SHISA5: variants seen among roughly 807,000 people sequenced by gnomAD.
SHISA5 encodes protein shisa-5.
A neutral mutation model predicts 27.5 loss-of-function variants in SHISA5; 21 were observed. That is an observed-to-expected ratio of 0.76 (90% CI 0.54 to 1.10). The LOEUF (loss-of-function observed/expected upper bound fraction) is 1.10, where lower values mean the gene tolerates loss of function less well. Among genes scored for constraint, SHISA5 ranks in the 50% least tolerant of loss-of-function variants. The pLI, the probability that SHISA5 is intolerant of heterozygous loss-of-function variation, is 0.00. For missense variants in SHISA5, 314 were observed against 336.3 expected (o/e 0.93, Z 0.52); for synonymous variants, 137 against 142.2 (o/e 0.96, Z 0.26).
chr3:48,501,957 T>C (rs2041770501), intron 1 of SHISA5, among the ~76,000 whole-genome samples: 2 of 150,804 alleles, frequency 1.3e-5, no homozygotes, highest in South Asian at 4.2e-4. Context: ...GCCTCCCAGA[T>C]CCAAGCAATT....
At chr3:48,491,752 A>C (rs2041433957) in intron 2 of SHISA5, among the ~76,000 whole-genome samples, 1 of 151,762 alleles carries the variant, frequency 6.6e-6, no homozygotes, top group African/African-American at 2.4e-5. Context: ...AAGCTCAAGC[A>C]ATTCTCCCAC....
At chr3:48,480,230 AAACAAC>A (rs545845487) in intron 2 of SHISA5, among the ~76,000 whole-genome samples, 131 of 151,984 alleles carry the variant, frequency 8.6e-4, no homozygotes, top group African/African-American at 3.0e-3. Context: ...AAAAGTACTA[AAACAAC>A]AACAACAACA....
chr3:48,476,001 C>T (rs1311763679), intron 3 of SHISA5, among the ~76,000 whole-genome samples: 1 of 152,170 alleles, frequency 6.6e-6, no homozygotes, highest in East Asian at 1.9e-4. Context: ...CAGATGTGGG[C>T]CCATCTGGAT....
At position 48,467,913 on chromosome 3, in the gene SHISA5, C is replaced by A. The variant is rs1366212856; in HGVS notation, c.*1194G>T. Reference sequence around the variant, plus strand: ...CATTTATTATAAACAAGTGTACAGACCCTAGACTCAGAAACACAACAGATT... The same window carrying A: ...CATTTATTATAAACAAGTGTACAGAACCTAGACTCAGAAACACAACAGATT... On this transcript the variant is annotated 3_prime_UTR_variant, in exon 6 of 6. Coordinates refer to ENST00000296444, the MANE Select transcript of SHISA5 (RefSeq NM_016479.6). The A allele has an allele frequency of 2.6e-6, 1 of 388,980 alleles. No homozygotes were observed. The highest frequency in any genetic ancestry group is 4.6e-6 in the Non-Finnish European group (1 of 217,248). 24.1% of individuals were successfully genotyped at this position (388,980 alleles called of 1,614,324 possible). A position where few individuals can be genotyped will look rare whatever the true frequency, so the allele number is the denominator to read the frequency against.
chr3:48,471,267 G>A (rs2040601289), intron 3 of SHISA5, among the ~76,000 whole-genome samples: 1 of 151,954 alleles, frequency 6.6e-6, no homozygotes, highest in Admixed American at 6.6e-5. Context: ...TCCCTCCTCG[G>A]CCTCTCAAAG....
chr3:48,469,827 C>T lies in SHISA5; in HGVS notation c.331G>A (p.Ala111Thr). The change falls in exon 4 of 6, where the codon GCC becomes ACC. Residue 111 changes from alanine (A) to threonine (T), a missense_variant. Physicochemically the swap from Ala to Thr is moderately conservative, Grantham distance 58. Coordinates refer to ENST00000296444, the MANE Select transcript of SHISA5 (RefSeq NM_016479.6). The surrounding 1 kb of genome is among the most constrained non-coding windows in gnomAD (Gnocchi z 4.6). Reference protein sequence around the residue: ...DPMSGFGATLAVGLTIFVLSV... With the variant: ...DPMSGFGATLTVGLTIFVLSV... Reference sequence around the variant, plus strand: ...AGCACAAAGATGGTCAGGCCAACGGCCAAGGTCGCTCCGAACCTGCCAAAG... The same window carrying T: ...AGCACAAAGATGGTCAGGCCAACGGTCAAGGTCGCTCCGAACCTGCCAAAG... The T allele has an allele frequency of 6.2e-7, 1 of 1,613,826 alleles. No homozygotes were observed. Among genetic ancestry groups the T allele is most frequent in the Non-Finnish European group, 8.5e-7 (1 of 1,179,882 alleles).
chr3:48,495,472 G>C, intron 2 of SHISA5, among the ~76,000 whole-genome samples: 1 of 146,116 alleles, frequency 6.8e-6, no homozygotes, highest in Admixed American at 6.7e-5. Flanking sequence ...ATCTTGTGTT[G>C]ATTGTTCTGG....
Position 48,469,148 on chromosome 3 carries a change from AAGG to A in SHISA5, c.679_681del (p.Pro227del), listed in dbSNP as rs556916123. On this transcript the variant is annotated inframe_deletion, in exon 6 of 6. Transcript: ENST00000296444. The surrounding 1 kb of genome is among the most constrained non-coding windows in gnomAD (Gnocchi z 4.6). Reference sequence around the variant, plus strand: ...GGGGCATCCATGTAGGCCGGGTTGTAAGGAGGCTGGCTGGCGGGGTAGGGCGCG... The same window carrying A: ...GGGGCATCCATGTAGGCCGGGTTGTAAGGCTGGCTGGCGGGGTAGGGCGCG... 6.2e-7 allele frequency: 1 copy of A among 1,613,046 alleles called. No homozygotes were observed. The highest frequency in any genetic ancestry group is 8.5e-7 in the Non-Finnish European group (1 of 1,179,992).
intron 2 of SHISA5, among the ~76,000 whole-genome samples, chr3:48,499,018 G>T (rs2041666875): frequency 6.7e-6 from 1 of 149,642 alleles, no homozygotes; most frequent in African/African-American, 2.5e-5. Flanking sequence ...GGAGGTGGAG[G>T]TTGTGGTGAG....
rs1168388224 is a variant in SHISA5 at position 48,503,016 on chromosome 3, C to T, written c.76+1003G>A. 8.7e-6 allele frequency: 9 copies of T among 1,036,702 alleles called. No homozygotes were observed. In the Admixed American group the frequency reaches 2.1e-4, roughly 25 times the overall value. The allele number at this position is 1,036,702 out of a possible 1,614,324, so 64.2% of individuals were successfully genotyped here. ...GGGGAACTGCACTTCTTGGCAGCTC[C>T]AGGCAGAACCCTGCTCTGGGCAAAG... On this transcript the variant is annotated intron_variant, in intron 1 of 5. Coordinates refer to ENST00000296444, the MANE Select transcript of SHISA5 (RefSeq NM_016479.6).
Position 48,501,226 on chromosome 3 carries a change from G to A in SHISA5, c.144C>T (p.Cys48=), listed in dbSNP as rs2041744164. ...SLFPESCPDF[C]CGTCDDQYCC... is the part of the protein sequence containing the mutation. The stretch of plus-strand genomic sequence containing the variant: ...AGTATTGGTCATCACAGGTACCACA[G>A]CAGAAATCTGGACAGGACTCGGGGA... Residue 48 remains cysteine, a synonymous_variant, in exon 2 of 6, where the codon TGC becomes TGT. Transcript: ENST00000296444. 6.2e-7 allele frequency: 1 copy of A among 1,614,130 alleles called. No individual in the cohort carries two copies. Among genetic ancestry groups the A allele is most frequent in the East Asian group, 2.2e-5 (1 of 44,876 alleles).
chr3:48,489,621 CTTTTTTTT>C (rs58568695), intron 2 of SHISA5, among the ~76,000 whole-genome samples: 1 of 80,880 alleles, frequency 1.2e-5, no homozygotes, highest in Non-Finnish European at 2.2e-5. Context: ...TGCGCCTGGC[CTTTTTTTT>C]TTTTTTTTTT....
chr3:48,469,721 C>G lies in SHISA5; in HGVS notation c.430+7G>C. 1 of 1,613,872 alleles carries G rather than the reference C, an allele frequency of 6.2e-7. No individual in the cohort carries two copies. Among genetic ancestry groups the G allele is most frequent in the Non-Finnish European group, 8.5e-7 (1 of 1,179,874 alleles). On this transcript the variant is annotated splice_region_variant and intron_variant, in intron 4 of 5. Coordinates refer to ENST00000296444, the MANE Select transcript of SHISA5 (RefSeq NM_016479.6). The surrounding 1 kb of genome is among the most constrained non-coding windows in gnomAD (Gnocchi z 4.6). ...GGGTCACAGTGGGGCAGGGTGGGCA[C>G]GCTTACGACGTGGTCGGCGGCACGT...
At chr3:48,485,765 G>A (rs2041199600) in intron 2 of SHISA5, among the ~76,000 whole-genome samples, 1 of 151,164 alleles carries the variant, frequency 6.6e-6, no homozygotes, top group Non-Finnish European at 1.5e-5. Context: ...TGAGGCTGGG[G>A]ACAAAGATCC....
Position 48,469,162 on chromosome 3 carries a change from G to T in SHISA5, c.668C>A (p.Ala223Asp), listed in dbSNP as rs761621407. The change falls in exon 6 of 6, where the codon GCC (alanine) becomes GAC (aspartate). Residue 223 changes from alanine (A) to aspartate (D), a missense_variant. By Grantham distance (126) the Ala-to-Asp change is moderately radical (BLOSUM62 -2). Transcript: ENST00000296444. The surrounding 1 kb of genome is among the most constrained non-coding windows in gnomAD (Gnocchi z 4.6). ...LAGGAAAPYPASQPPYNPAYM... is the reference protein window; with the variant it reads ...LAGGAAAPYPDSQPPYNPAYM... ...GGCCGGGTTGTAAGGAGGCTGGCTG[G>T]CGGGGTAGGGCGCGGCTGCTCCTCC... is the stretch of plus-strand genomic sequence containing the variant. 1.2e-6 allele frequency: 2 copies of T among 1,612,622 alleles called. No individual in the cohort carries two copies. The highest frequency in any genetic ancestry group is 1.3e-5 in the African/African-American group (1 of 74,908).
intron 2 of SHISA5, among the ~76,000 whole-genome samples, chr3:48,482,555 T>C (rs2041058461): frequency 6.6e-6 from 1 of 152,224 alleles, no homozygotes. Context: ...GTGCCAAATA[T>C]GATAGTGGTT....
chr3:48,499,127 A>AAAAGATGC (rs2041674853), intron 2 of SHISA5, among the ~76,000 whole-genome samples: 2 of 152,044 alleles, frequency 1.3e-5, no homozygotes, highest in African/African-American at 4.8e-5. Context: ...CAAATAGCAC[A>AAAAGATGC]AAAGATGCAA....
upstream of SHISA5, chr3:48,504,236 A>AGGAGGAGGAGGAGGGAGGAGGAG (rs1420920766): frequency 3.5e-6 from 1 of 283,458 alleles, no homozygotes; most frequent in African/African-American, 2.2e-5. This position sits in a 1 kb window ranked among gnomAD's most constrained non-coding sequence, Gnocchi z 4.0. Context: ...CCGGGGGAGC[A>AGGAGGAGGAGGAGGGAGGAGGAG]GGAGGAGGAG....
At chr3:48,490,173 A>C (rs1190216202) in intron 2 of SHISA5, among the ~76,000 whole-genome samples, 1 of 152,092 alleles carries the variant, frequency 6.6e-6, no homozygotes, top group East Asian at 1.9e-4. Context: ...TCCTGGGTTC[A>C]AGCGATTCTC....
Sources: gnomAD v4.1 joint callset for allele counts (sites outside exome capture counted in the v4.1 genomes callset) on GRCh38, gnomAD v4.1.1 for gene constraint, Gnocchi (gnomAD v3.1) non-coding constraint, MANE v1.5 for transcripts, NCBI Gene and HGNC (gene_info 2026-07-23, HGNC 2026-07-21) for gene names.